The following PXK variants were observed in gnomAD, a reference collection of about 807,000 sequenced individuals.
PXK encodes the protein PX domain-containing protein kinase-like protein.
PXK carries 35 observed loss-of-function variants against 84.7 expected under a neutral mutation model. That is an observed-to-expected ratio of 0.41 (90% CI 0.32 to 0.55). The LOEUF (loss-of-function observed/expected upper bound fraction) is 0.55, where lower values mean the gene tolerates loss of function less well. Among genes scored for constraint, PXK ranks in the 20% least tolerant of loss-of-function variants. The probability of loss-of-function intolerance (pLI) is 0.21; values close to 1 mark genes in which losing one functional copy is unlikely to be tolerated. For synonymous variants in PXK, 253 were observed against 260.8 expected, an observed-to-expected ratio of 0.97 and a Z score of 0.29; for missense variants, 634 against 699.7, an observed-to-expected ratio of 0.91 and a Z score of 1.06.
chr3:58,408,962 A>C lies in PXK; in HGVS notation c.1269A>C (p.Lys423Asn). ...TKLKEALRIA[K>N]ECIEKRLIEE... ...TAAAAGAGGCATTGAGAATTGCCAAAGAATGTATAGAGAAGAGACTAATTG... is the reference window on the plus strand; with the variant it reads ...TAAAAGAGGCATTGAGAATTGCCAACGAATGTATAGAGAAGAGACTAATTG... The change falls in exon 14 of 18, where the codon AAA (lysine) becomes AAC (asparagine). Residue 423 changes from lysine to asparagine, a missense_variant. Physicochemically the swap from Lys to Asn is moderately conservative, Grantham distance 94. Transcript: ENST00000356151. The C allele has an allele frequency of 6.3e-7, 1 of 1,592,422 alleles. No homozygotes were observed.
intron 1 of PXK, among the ~76,000 whole-genome samples, chr3:58,353,145 C>T (rs985429297): frequency 4.6e-5 from 7 of 152,086 alleles, no homozygotes; most frequent in East Asian, 3.9e-4. Flanking sequence ...TACAGGCGCC[C>T]GCCACCACGC....
At chr3:58,384,201 A>G (rs1450855875) in intron 4 of PXK, among the ~76,000 whole-genome samples, 2 of 152,196 alleles carry the variant, frequency 1.3e-5, no homozygotes, top group African/African-American at 4.8e-5. Flanking sequence ...CATTGGCATC[A>G]CTGGGAGCTT....
chr3:58,351,953 G>C (rs2097936253), intron 1 of PXK, among the ~76,000 whole-genome samples: 1 of 152,308 alleles, frequency 6.6e-6, no homozygotes, highest in East Asian at 1.9e-4. Flanking sequence ...GCTGGCCATT[G>C]TGCTGGCTGC....
Position 58,333,851 on chromosome 3 carries a change from C to T in PXK, c.102+761C>T, listed in dbSNP as rs1034239603. Among the ~76,000 whole-genome samples the T allele has an allele frequency of 2.0e-5, 3 of 151,316 alleles. No homozygotes were observed. Among genetic ancestry groups the T allele is most frequent in the Non-Finnish European group, 4.4e-5 (3 of 67,896 alleles). ...ACGGTCTTTTATGGGGCTTTAAAACCGTGGTTGTTTTCATTTGCTTGTACC... is the reference window on the plus strand; with the variant it reads ...ACGGTCTTTTATGGGGCTTTAAAACTGTGGTTGTTTTCATTTGCTTGTACC... On this transcript the variant is annotated intron_variant, in intron 1 of 17. Coordinates refer to ENST00000356151, the MANE Select transcript of PXK (RefSeq NM_017771.5). The surrounding 1 kb of genome is among the most constrained non-coding windows in gnomAD (Gnocchi z 5.4).
chr3:58,423,864 G>A (rs2062368761), intron 17 of PXK, among the ~76,000 whole-genome samples: 1 of 152,260 alleles, frequency 6.6e-6, no homozygotes, highest in East Asian at 1.9e-4. Flanking sequence ...TATAAAATTC[G>A]AGTTGCAAAT....
rs577836932 is a variant in PXK, at chr3:58,403,147, G to A, written c.1182-715G>A. ...AGCCTCCCAAGTAGCTGGGACAATA[G>A]GCACGCACCACCACACCCGGCTAAT... On this transcript the variant is annotated intron_variant, in intron 12 of 17. Transcript: ENST00000356151. Among the ~76,000 whole-genome samples, 10 of 152,050 alleles carry A rather than the reference G, an allele frequency of 6.6e-5. No individual in the cohort carries two copies. In the East Asian group the frequency reaches 1.4e-3, roughly 21 times the overall value.
At chr3:58,410,292 A>T in intron 16 of PXK, 133 bp downstream of exon 16, 1 of 600,460 alleles carries the variant, frequency 1.7e-6, no homozygotes, top group Non-Finnish European at 3.0e-6. Flanking sequence ...GAACAAAATA[A>T]CTCCGTCTCT....
chr3:58,424,821 C>A lies in PXK; in HGVS notation c.1598C>A (p.Thr533Asn), dbSNP rs2062602283. Residue 533 changes from threonine to asparagine, a missense_variant, in exon 18 of 18, where the codon ACC becomes AAC. Physicochemically the swap from Thr to Asn is moderately conservative, Grantham distance 65 (BLOSUM62 0). Around this residue, in one of 3 missense-constraint regions of PXK, gnomAD observed 273 missense variants for 283.6 expected, o/e 0.96. Coordinates refer to ENST00000356151, the MANE Select transcript of PXK (RefSeq NM_017771.5). ...PPAAPLPPASTEAPAQLSSQA... is the reference protein window; with the variant it reads ...PPAAPLPPASNEAPAQLSSQA... Reference sequence around the variant, plus strand: ...GCAGCTCCCTTGCCTCCTGCGAGCACCGAGGCACCTGCCCAGCTCTCGTCT... The same window carrying A: ...GCAGCTCCCTTGCCTCCTGCGAGCAACGAGGCACCTGCCCAGCTCTCGTCT... The A allele has an allele frequency of 1.2e-6, 2 of 1,614,198 alleles. No homozygotes were observed. Among genetic ancestry groups the A allele is most frequent in the Non-Finnish European group, 1.7e-6 (2 of 1,180,032 alleles).
At chr3:58,350,949 A>T (rs1008971925) in intron 1 of PXK, among the ~76,000 whole-genome samples, 2 of 152,156 alleles carry the variant, frequency 1.3e-5, no homozygotes, top group Non-Finnish European at 2.9e-5. Context: ...AGGGACTTCT[A>T]GCTTGACTTC....
rs1244476924 is a variant in PXK at position 58,401,457 on chromosome 3, TACA to T, written c.1181+2091_1181+2093del. The stretch of plus-strand genomic sequence containing the variant: ...GGCGAAACCCCATCTCTACAAAAAA[TACA>T]ACAACAACAAAATTAGCTAGGCGTG... On this transcript the variant is annotated intron_variant, in intron 12 of 17. Transcript: ENST00000356151. The surrounding 1 kb of genome is among the most constrained non-coding windows in gnomAD (Gnocchi z 4.4). Among the ~76,000 whole-genome samples, 1 of 151,846 alleles carries T rather than the reference TACA, an allele frequency of 6.6e-6. No homozygotes were observed. Among genetic ancestry groups the T allele is most frequent in the African/African-American group, 2.4e-5 (1 of 41,296 alleles).
intron 1 of PXK, among the ~76,000 whole-genome samples, chr3:58,353,352 G>A (rs376427046): frequency 5.9e-5 from 9 of 152,214 alleles, no homozygotes; most frequent in East Asian, 1.9e-4. Context: ...AAGAAGATGC[G>A]TTTGGCTTTA....
chr3:58,393,015 G>C lies in PXK; in HGVS notation c.615+1168G>C, dbSNP rs1326239964. On this transcript the variant is annotated intron_variant, in intron 7 of 17. Coordinates refer to ENST00000356151, the MANE Select transcript of PXK (RefSeq NM_017771.5). ...AAAAAAAGAAGCACATAAAAATGGTGCATATTAATTGTAGCAAAGTCAGAA... is the reference window on the plus strand; with the variant it reads ...AAAAAAAGAAGCACATAAAAATGGTCCATATTAATTGTAGCAAAGTCAGAA... Among the ~76,000 whole-genome samples the C allele has an allele frequency of 2.6e-5, 4 of 152,170 alleles. No homozygotes were observed. In the East Asian group the frequency reaches 7.7e-4, roughly 29 times the overall value.
intron 17 of PXK, chr3:58,420,547 C>G: frequency 1.3e-6 from 2 of 1,535,960 alleles, no homozygotes; most frequent in Non-Finnish European, 1.7e-6. Flanking sequence ...AGAGCATGCA[C>G]CATTTTGAAC....
Position 58,410,099 on chromosome 3 carries a change from C to T in PXK, c.1405C>T (p.Arg469Ter), listed in dbSNP as rs1464597958. 6.3e-7 allele frequency: 1 copy of T among 1,592,670 alleles called. No individual in the cohort carries two copies. The highest frequency in any genetic ancestry group is 1.7e-5 in the Admixed American group (1 of 59,944). ...RKILARKKSK[R>*]SALENSEEHS... ...TCTTTTATTCTTAAAGAAGTCAAAA[C>T]GATCTGCTCTTGAAAATAGTGAAGA... The change falls in exon 16 of 18, where the codon CGA becomes TGA. Residue 469 changes from arginine (R) to a stop codon, truncating the protein, a stop_gained. Coordinates refer to ENST00000356151, the MANE Select transcript of PXK (RefSeq NM_017771.5). LOFTEE classifies it high-confidence loss of function.
intron 4 of PXK, among the ~76,000 whole-genome samples, chr3:58,389,462 T>C (rs146848458): frequency 3.9e-5 from 6 of 152,210 alleles, no homozygotes; most frequent in Non-Finnish European, 8.8e-5. Context: ...TTGAAAAATA[T>C]ACATTTTCAC....
chr3:58,419,158 CCT>C (rs1344017329), intron 17 of PXK, among the ~76,000 whole-genome samples: 1 of 152,362 alleles, frequency 6.6e-6, no homozygotes, highest in African/African-American at 2.4e-5. Flanking sequence ...TTCTTCTCAG[CCT>C]CTCTGAGCAG....
At position 58,401,145 on chromosome 3, in the gene PXK, G is replaced by A. The variant is rs182751178; in HGVS notation, c.1181+1768G>A. Among the ~76,000 whole-genome samples the A allele has an allele frequency of 1.3e-5, 2 of 152,124 alleles. No individual in the cohort carries two copies. The highest frequency in any genetic ancestry group is 6.5e-5 in the Admixed American group (1 of 15,290). On this transcript the variant is annotated intron_variant, in intron 12 of 17. Coordinates refer to ENST00000356151, the MANE Select transcript of PXK (RefSeq NM_017771.5). This position sits in a 1 kb window ranked among gnomAD's most constrained non-coding sequence, Gnocchi z 4.4. Reference sequence around the variant, plus strand: ...TTTTTCTTCACCTAAGTCTTTCTACGATGTGGGCTTCAGCTATGAGAAGAG... The same window carrying A: ...TTTTTCTTCACCTAAGTCTTTCTACAATGTGGGCTTCAGCTATGAGAAGAG...
intron 13 of PXK, 41 bp downstream of exon 13, chr3:58,403,951 A>G (rs369506153): frequency 1.2e-4 from 169 of 1,357,720 alleles, no homozygotes; most frequent in African/African-American, 1.0e-3. Context: ...TGACATAACT[A>G]AGTTGACTTT....
rs953092524 is a variant in PXK, at chr3:58,425,140, T to G, written c.*180T>G. On this transcript the variant is annotated 3_prime_UTR_variant, in exon 18 of 18. Coordinates refer to ENST00000356151, the MANE Select transcript of PXK (RefSeq NM_017771.5). ...AAATAATTCTTTAAGCAGAATAAAG[T>G]TAGGCTGGCATTGCTCCCTTAAGAT... is the stretch of plus-strand genomic sequence containing the variant. The G allele has an allele frequency of 1.2e-4, 119 of 984,734 alleles. 1 individual carries two copies. The Middle Eastern group carries it at 2.9e-3, about 24-fold the overall frequency. The allele number at this position is 984,734 out of a possible 1,614,324, so 61.0% of individuals were successfully genotyped here.
Sources: allele counts gnomAD v4.1 joint callset (sites outside exome capture counted in the v4.1 genomes callset), GRCh38; gene constraint gnomAD v4.1.1; regional missense constraint gnomAD v4.1.1; non-coding constraint Gnocchi (gnomAD v3.1); transcripts MANE v1.5; gene names NCBI Gene and HGNC (gene_info 2026-07-23, HGNC 2026-07-21).